AGBL4: variants seen among roughly 807,000 people sequenced by gnomAD.
AGBL4 encodes AGBL carboxypeptidase 4, also known as cytosolic carboxypeptidase 6.
AGBL4 carries 58 observed loss-of-function variants against 66.4 expected under a neutral mutation model. The ratio of observed to expected loss-of-function variants is 0.87; its 90% CI spans 0.71 to 1.09. AGBL4 has a LOEUF of 1.09. Ranked by LOEUF, AGBL4 falls within the 50% of genes least tolerant of loss-of-function variation. The pLI, the probability that AGBL4 is intolerant of heterozygous loss-of-function variation, is 0.00. For synonymous variants in AGBL4, 234 were observed against 222.9 expected (o/e 1.05, Z -0.44); for missense variants, 579 against 631.0 (o/e 0.92, Z 0.88).
intron 5 of AGBL4, among the ~76,000 whole-genome samples, chr1:48,942,562 G>T (rs1436444352): frequency 6.6e-6 from 1 of 152,148 alleles, no homozygotes; most frequent in Non-Finnish European, 1.5e-5. Flanking sequence ...AAAAATGTCA[G>T]CTCTACTCCC....
At chr1:49,006,275 T>A (rs1661800964) in intron 5 of AGBL4, among the ~76,000 whole-genome samples, 1 of 151,652 alleles carries the variant, frequency 6.6e-6, no homozygotes, top group Admixed American at 6.5e-5. Context: ...GAAGGGCACC[T>A]GGAAAATCGG....
chr1:49,127,003 A>G (rs1165089240), intron 4 of AGBL4, among the ~76,000 whole-genome samples: 2 of 152,186 alleles, frequency 1.3e-5, no homozygotes. Flanking sequence ...ACTTAAAGGT[A>G]TGCTTCCAGC....
At chr1:48,842,287 G>T (rs1157935856) in intron 6 of AGBL4, among the ~76,000 whole-genome samples, 1 of 151,896 alleles carries the variant, frequency 6.6e-6, no homozygotes. Flanking sequence ...AGGAGAGGTG[G>T]ATGAGTGTAT....
rs181121982 is a variant in AGBL4 at position 49,031,100 on chromosome 1, T to C, written c.594+14484A>G. ...TAAAAGAGTAGATTTTCTGTTTCTTTGTCTTTTGAAACAGTTTCACTTTGT... is the reference window on the plus strand; with the variant it reads ...TAAAAGAGTAGATTTTCTGTTTCTTCGTCTTTTGAAACAGTTTCACTTTGT... On this transcript the variant is annotated intron_variant, in intron 5 of 13. Transcript: ENST00000371839. Among the ~76,000 whole-genome samples the C allele has an allele frequency of 5.5e-3, 834 of 152,222 alleles. 3 individuals are homozygous for C. Among genetic ancestry groups the C allele is most frequent in the Non-Finnish European group, 9.1e-3 (622 of 67,986 alleles).
At chr1:49,504,528 G>T (rs969299356) in intron 3 of AGBL4, among the ~76,000 whole-genome samples, 1 of 151,360 alleles carries the variant, frequency 6.6e-6, no homozygotes, top group Non-Finnish European at 1.5e-5. Context: ...TCCAATTTTG[G>T]GGTGCATATA....
chr1:49,989,605 T>G (rs1659773765), intron 1 of AGBL4, among the ~76,000 whole-genome samples: 1 of 152,198 alleles, frequency 6.6e-6, no homozygotes, highest in Non-Finnish European at 1.5e-5. Flanking sequence ...ATAATTGACA[T>G]CAATGAATGT....
At chr1:48,790,141 T>G (rs1392949189) in intron 6 of AGBL4, among the ~76,000 whole-genome samples, 1 of 151,404 alleles carries the variant, frequency 6.6e-6, no homozygotes, top group Non-Finnish European at 1.5e-5. Flanking sequence ...CTGTGCACCC[T>G]TTTCTCTTCC....
At chr1:49,168,645 TTGGCTTCATG>T (rs1225221049) in intron 4 of AGBL4, among the ~76,000 whole-genome samples, 12 of 152,220 alleles carry the variant, frequency 7.9e-5, no homozygotes, top group African/African-American at 2.9e-4. Flanking sequence ...CCAGCAGAGC[TTGGCTTCATG>T]TCTTGCTTCA....
At chr1:49,829,068 CAA>C (rs536528061) in intron 2 of AGBL4, among the ~76,000 whole-genome samples, 2 of 93,472 alleles carry the variant, frequency 2.1e-5, no homozygotes, top group Admixed American at 1.2e-4. Context: ...GACTCCGTCT[CAA>C]AAAAAAAAAA....
At chr1:49,055,281 T>G (rs1452651966) in intron 4 of AGBL4, among the ~76,000 whole-genome samples, 8 of 151,934 alleles carry the variant, frequency 5.3e-5, no homozygotes, top group Admixed American at 5.2e-4. Flanking sequence ...TTTTGTTTTA[T>G]TAAAAAAATC....
At chr1:48,553,875 A>C (rs1450102718) in intron 11 of AGBL4, among the ~76,000 whole-genome samples, 2 of 152,110 alleles carry the variant, frequency 1.3e-5, no homozygotes, top group Admixed American at 6.5e-5. Context: ...AGTGCAGGGG[A>C]GTAAAACCAA....
At position 48,599,065 on chromosome 1, in the gene AGBL4, A is replaced by G. The variant is rs186692934; in HGVS notation, c.952-8080T>C. Among the ~76,000 whole-genome samples, 313 of 152,274 alleles carry G rather than the reference A, an allele frequency of 2.1e-3. 1 individual carries two copies. The highest frequency in any genetic ancestry group is 7.3e-3 in the African/African-American group (304 of 41,544). On this transcript the variant is annotated intron_variant, in intron 9 of 13. Transcript: ENST00000371839. ...CATGAGCCGAGAGCTACATAGGATC[A>G]AGATCATCAACATCGCTGTCTTCCA...
chr1:49,832,924 T>G (rs2148019244), intron 2 of AGBL4, among the ~76,000 whole-genome samples: 1 of 152,258 alleles, frequency 6.6e-6, no homozygotes, highest in South Asian at 2.1e-4. Context: ...TTGTGAAAAT[T>G]TTCTCCCATG....
chr1:49,680,943 A>G (rs1646681537), intron 3 of AGBL4, among the ~76,000 whole-genome samples: 1 of 151,394 alleles, frequency 6.6e-6, no homozygotes, highest in East Asian at 1.9e-4. Context: ...TGGAATGGAT[A>G]ATTGTTACAT....
chr1:48,637,709 T>C (rs1420678532), intron 8 of AGBL4, among the ~76,000 whole-genome samples: 1 of 152,250 alleles, frequency 6.6e-6, no homozygotes, highest in Non-Finnish European at 1.5e-5. Context: ...TTTTCAAGTC[T>C]GGCTACCAGT....
In AGBL4 at chr1:49,950,024, G is replaced by GCACA. The variant is rs1557611761; in HGVS notation, c.34+73738_34+73739insTGTG. Among the ~76,000 whole-genome samples, 13 of 86,042 alleles carry GCACA rather than the reference G, an allele frequency of 1.5e-4. No homozygotes were observed. In the South Asian group the frequency reaches 2.8e-3, roughly 18 times the overall value. The allele number at this position is 86,042 out of a possible 152,430, so 56.4% of individuals were successfully genotyped here. ...TATATATATATACACACACATATGT[G>GCACA]TGTGTGTGTATATATATACACATAT... On this transcript the variant is annotated intron_variant, in intron 1 of 13. Transcript: ENST00000371839.
intron 1 of AGBL4, among the ~76,000 whole-genome samples, chr1:49,948,051 A>C (rs369316659): frequency 1.2e-5 from 1 of 85,308 alleles, no homozygotes. Flanking sequence ...TAAATATATA[A>C]ATATATATAT....
intron 3 of AGBL4, among the ~76,000 whole-genome samples, chr1:49,275,814 C>G (rs982064757): frequency 1.3e-5 from 2 of 152,012 alleles, no homozygotes; most frequent in Non-Finnish European, 2.9e-5. Context: ...ATTAAAATTA[C>G]TTTTCTTAAA....
chr1:48,719,370 A>G (rs1476061721), intron 6 of AGBL4, among the ~76,000 whole-genome samples: 1 of 121,608 alleles, frequency 8.2e-6, no homozygotes, highest in African/African-American at 2.7e-5. Context: ...GCCAGCACTT[A>G]AGGAGGAAGG....
Sources: gnomAD v4.1 joint callset for allele counts (sites outside exome capture counted in the v4.1 genomes callset) on GRCh38, gnomAD v4.1.1 for gene constraint, MANE v1.5 for transcripts, NCBI Gene and HGNC (gene_info 2026-07-23, HGNC 2026-07-21) for gene names.